The following PIK3C3 variants were observed in gnomAD, a reference collection of about 807,000 sequenced individuals.
PIK3C3 encodes PI3-kinase type 3.
A neutral mutation model predicts 126.1 loss-of-function variants in PIK3C3; 95 were observed. That is an observed-to-expected ratio of 0.75 (90% CI 0.64 to 0.89). PIK3C3 has a LOEUF of 0.89. PIK3C3 is among the 40% of genes least tolerant of loss of function. The probability of loss-of-function intolerance (pLI) is 0.00; values close to 1 mark genes in which losing one functional copy is unlikely to be tolerated. For missense variants in PIK3C3, 829 were observed against 1,063.2 expected (o/e 0.78, Z 3.06); for synonymous variants, 374 against 360.0 (o/e 1.04, Z -0.44).
chr18:42,017,131 C>G lies in PIK3C3; in HGVS notation c.1416+1565C>G, dbSNP rs187935900. ...ATTTTGAGTGATATTTCTATCTTCC[C>G]CTATCCCTTCCCCTATTCCCATAGA... On this transcript the variant is annotated intron_variant, in intron 12 of 24. Coordinates refer to ENST00000262039, the MANE Select transcript of PIK3C3 (RefSeq NM_002647.4). Among the ~76,000 whole-genome samples, 174 of 152,074 alleles carry G rather than the reference C, an allele frequency of 1.1e-3. 1 individual carries two copies. In the East Asian group the frequency reaches 0.012, roughly 10 times the overall value.
intron 7 of PIK3C3, among the ~76,000 whole-genome samples, chr18:41,993,812 C>T (rs924928970): frequency 1.2e-4 from 19 of 152,090 alleles, no homozygotes; most frequent in African/African-American, 3.4e-4. Flanking sequence ...CAATTTGGAA[C>T]GTGGTAACTT....
intron 22 of PIK3C3, among the ~76,000 whole-genome samples, chr18:42,059,564 G>A (rs1985224034): frequency 6.6e-6 from 1 of 152,170 alleles, no homozygotes; most frequent in Non-Finnish European, 1.5e-5. Context: ...TTTATAAACT[G>A]TCATTGGTAG....
intron 13 of PIK3C3, chr18:42,027,229 G>A (rs1183343903): frequency 7.5e-6 from 2 of 266,012 alleles, no homozygotes; most frequent in Non-Finnish European, 1.4e-5. Flanking sequence ...ACAAATTAAG[G>A]CATTACCACT....
intron 4 of PIK3C3, among the ~76,000 whole-genome samples, chr18:41,975,547 T>G (rs999123533): frequency 6.6e-6 from 1 of 152,174 alleles, no homozygotes; most frequent in African/African-American, 2.4e-5. Flanking sequence ...GTAACCATAT[T>G]ACTTGTGCCT....
At chr18:42,018,104 A>T (rs1983159042) in intron 12 of PIK3C3, among the ~76,000 whole-genome samples, 5 of 151,548 alleles carry the variant, frequency 3.3e-5, no homozygotes, top group Admixed American at 1.3e-4. Context: ...TATTGTATAC[A>T]CTCAGTAAAT....
rs60224978 is a variant in PIK3C3, at chr18:42,054,126, GTATATATATATA to G, written c.2264-3702_2264-3691del. The stretch of plus-strand genomic sequence containing the variant: ...GTTCTCTAGAGGGACAGAACTAATG[GTATATATATATA>G]TATATATATATATATATATATATAT... On this transcript the variant is annotated intron_variant, in intron 21 of 24. Coordinates refer to ENST00000262039, the MANE Select transcript of PIK3C3 (RefSeq NM_002647.4). 5.9e-4 allele frequency among the ~76,000 whole-genome samples: 41 copies of G among 69,652 alleles called. 1 individual carries two copies. The East Asian group carries it at 8.7e-3, about 15-fold the overall frequency. 45.7% of individuals were successfully genotyped at this position (69,652 alleles called of 152,430 possible). A position where few individuals can be genotyped will look rare whatever the true frequency, so the allele number is the denominator to read the frequency against.
intron 4 of PIK3C3, among the ~76,000 whole-genome samples, chr18:41,974,107 T>C (rs1165867877): frequency 1.3e-5 from 2 of 152,208 alleles, no homozygotes; most frequent in Non-Finnish European, 2.9e-5. Context: ...CTTATAGAAC[T>C]ACTTCAGTCT....
chr18:42,015,985 G>T (rs1316888324), intron 12 of PIK3C3, among the ~76,000 whole-genome samples: 2 of 152,064 alleles, frequency 1.3e-5, no homozygotes, highest in African/African-American at 4.8e-5. Context: ...ACACATTTTT[G>T]AGATAAAACA....
intron 3 of PIK3C3, among the ~76,000 whole-genome samples, chr18:41,969,113 C>G (rs754701979): frequency 2.0e-5 from 3 of 151,404 alleles, no homozygotes; most frequent in Non-Finnish European, 4.4e-5. Flanking sequence ...GCCACCATGC[C>G]CAGTCTGTAC....
chr18:42,070,650 AG>A (rs1021924960), intron 24 of PIK3C3: 1 of 152,130 alleles, frequency 6.6e-6, no homozygotes, highest in Non-Finnish European at 1.5e-5. Context: ...ATTGACATTG[AG>A]GTTAAAACAT....
rs762434270 is a variant in PIK3C3 at position 42,081,112 on chromosome 18, A to T, written c.2650-11A>T. On this transcript the variant is annotated splice_polypyrimidine_tract_variant and intron_variant, in intron 24 of 24. Transcript: ENST00000262039. ...AATTATTTTCTGTTTATTTCTTTTT[A>T]ATTTTTGTAGTACTGGAGAAAATGA... The T allele has an allele frequency of 1.3e-6, 2 of 1,498,042 alleles. No homozygotes were observed. Among genetic ancestry groups the T allele is most frequent in the Non-Finnish European group, 1.8e-6 (2 of 1,083,022 alleles). The allele number at this position is 1,498,042 out of a possible 1,614,324, so 92.8% of individuals were successfully genotyped here. A position where few individuals can be genotyped will look rare whatever the true frequency, so the allele number is the denominator to read the frequency against.
intron 4 of PIK3C3, among the ~76,000 whole-genome samples, chr18:41,974,246 C>T (rs1470682790): frequency 6.6e-6 from 1 of 152,170 alleles, no homozygotes; most frequent in Non-Finnish European, 1.5e-5. Context: ...TAACCCTCTT[C>T]TGATTTATTG....
In PIK3C3 at chr18:42,049,597, C is replaced by T; in HGVS notation, c.2255C>T (p.Thr752Ile). The change falls in exon 21 of 25, where the codon ACA becomes ATA. Residue 752 changes from threonine (T) to isoleucine (I), a missense_variant. Coordinates refer to ENST00000262039, the MANE Select transcript of PIK3C3 (RefSeq NM_002647.4). ...GDRHLDNLLL[T>I]KTGKLFHIDF... Reference sequence around the variant, plus strand: ...AGGCACCTGGATAACCTTTTGCTAACAAAAACAGGTAACAATTAATGACTA... The same window carrying T: ...AGGCACCTGGATAACCTTTTGCTAATAAAAACAGGTAACAATTAATGACTA... 2 of 1,609,708 alleles carry T rather than the reference C, an allele frequency of 1.2e-6. No individual in the cohort carries two copies. Among genetic ancestry groups the T allele is most frequent in the Non-Finnish European group, 1.7e-6 (2 of 1,176,066 alleles).
chr18:42,043,179 A>C lies in PIK3C3; in HGVS notation c.2104-554A>C, dbSNP rs192987031. Among the ~76,000 whole-genome samples the C allele has an allele frequency of 3.2e-3, 493 of 151,710 alleles. 1 individual carries two copies. The highest frequency in any genetic ancestry group is 0.011 in the African/African-American group (465 of 41,318). On this transcript the variant is annotated intron_variant, in intron 19 of 24. Coordinates refer to ENST00000262039, the MANE Select transcript of PIK3C3 (RefSeq NM_002647.4). ...AGTGGTGCGATCTCGGCTCACTGCA[A>C]CCTGTACCTCCCAGGTTCAAGCAAT... is the stretch of plus-strand genomic sequence containing the variant.
chr18:42,027,600 G>T, intron 14 of PIK3C3, 52 bp downstream of exon 14: 1 of 959,606 alleles, frequency 1.0e-6, no homozygotes, highest in Non-Finnish European at 1.7e-6. Context: ...GCCAAATTCA[G>T]CCTGTTGCCT....
intron 4 of PIK3C3, among the ~76,000 whole-genome samples, chr18:41,985,738 A>G (rs973147841): frequency 2.0e-5 from 3 of 152,116 alleles, no homozygotes; most frequent in African/African-American, 7.2e-5. Context: ...TGCTGTCCAT[A>G]CATTCTTTAG....
intron 1 of PIK3C3, among the ~76,000 whole-genome samples, chr18:41,956,408 C>T (rs555751203): frequency 1.4e-4 from 21 of 152,274 alleles, no homozygotes; most frequent in African/African-American, 4.6e-4. Context: ...CCATAGCATA[C>T]ACCACTAGTA....
At chr18:41,990,277 A>G (rs1981710815) in intron 5 of PIK3C3, among the ~76,000 whole-genome samples, 182 bp from the exon 6 acceptor site, 2 of 152,190 alleles carry the variant, frequency 1.3e-5, no homozygotes, top group African/African-American at 4.8e-5. Context: ...AGTGCTGTCT[A>G]TAATAAAATA....
At chr18:42,029,939 A>G (rs767490127) in intron 15 of PIK3C3, among the ~76,000 whole-genome samples, 37 of 152,154 alleles carry the variant, frequency 2.4e-4, no homozygotes, top group Non-Finnish European at 4.4e-4. Context: ...TAACAACCCT[A>G]TAAGTTAGGA....
Sources: gnomAD v4.1 joint callset for allele counts (sites outside exome capture counted in the v4.1 genomes callset) on GRCh38, gnomAD v4.1.1 for gene constraint, MANE v1.5 for transcripts, NCBI Gene and HGNC (gene_info 2026-07-23, HGNC 2026-07-21) for gene names.